Variants in DGKA observed in about 807,000 individuals in gnomAD.
DGKA encodes the protein diacylglycerol kinase alpha.
A neutral mutation model predicts 105.0 loss-of-function variants in DGKA; 35 were observed. The observed-to-expected ratio is 0.33, with a 90% CI of 0.25 to 0.44. DGKA has a LOEUF of 0.44. DGKA is among the 20% of genes least tolerant of loss of function. DGKA has a pLI of 1.00. For missense variants in DGKA, 665 were observed against 915.0 expected, an observed-to-expected ratio of 0.73 and a Z score of 3.53; for synonymous variants, 296 against 332.0, an observed-to-expected ratio of 0.89 and a Z score of 1.18.
In DGKA at chr12:55,948,042, C is replaced by T. The variant is rs185055374; in HGVS notation, c.1427-3581C>T. 4.3e-4 allele frequency among the ~76,000 whole-genome samples: 66 copies of T among 152,174 alleles called. 1 individual carries two copies. The highest frequency in any genetic ancestry group is 3.4e-3 in the Admixed American group (52 of 15,290). ...TTGACCTCAGGTGATCCTCCCACCT[C>T]GGCCTCCCAAAGTGCTGGGATTACA... is the stretch of plus-strand genomic sequence containing the variant. On this transcript the variant is annotated intron_variant, in intron 17 of 23. Coordinates refer to ENST00000331886, the MANE Select transcript of DGKA (RefSeq NM_001345.5).
intron 17 of DGKA, among the ~76,000 whole-genome samples, chr12:55,950,026 G>C (rs1157682084): frequency 1.3e-5 from 2 of 151,614 alleles, no homozygotes; most frequent in Non-Finnish European, 2.9e-5. Context: ...CCAGGCTGGA[G>C]TGCAGTGGCG....
At chr12:55,928,504 C>T (rs1433442688), upstream of DGKA, among the ~76,000 whole-genome samples, 1 of 151,450 alleles carries the variant, frequency 6.6e-6, no homozygotes, top group Non-Finnish European at 1.5e-5. Flanking sequence ...GGCGAAACCC[C>T]GTCTCTACTA....
In DGKA at chr12:55,940,212, C is replaced by T. The variant is rs747850073; in HGVS notation, c.798+42C>T. 3 of 1,613,062 alleles carry T rather than the reference C, an allele frequency of 1.9e-6. No individual in the cohort carries two copies. The highest frequency in any genetic ancestry group is 2.5e-6 in the Non-Finnish European group (3 of 1,179,012). On this transcript the variant is annotated intron_variant, in intron 10 of 23. Coordinates refer to ENST00000331886, the MANE Select transcript of DGKA (RefSeq NM_001345.5). This position sits in a 1 kb window ranked among gnomAD's most constrained non-coding sequence, Gnocchi z 4.3. ...CTCCACCCCCAACATCACCTACATC[C>T]TGGCCCTGGCCCTGGCCCTTGGCCC...
At chr12:55,936,066 C>A (rs1884628770) in intron 1 of DGKA, 1 of 973,596 alleles carries the variant, frequency 1.0e-6, no homozygotes, top group Non-Finnish European at 1.2e-6. Flanking sequence ...TGGAAGAAAG[C>A]GCAGAAACAG....
chr12:55,940,640 T>C lies in DGKA; in HGVS notation c.935T>C (p.Leu312Pro), dbSNP rs1885731078. 1.3e-6 allele frequency: 2 copies of C among 1,584,888 alleles called. No homozygotes were observed. Among genetic ancestry groups the C allele is most frequent in the Non-Finnish European group, 1.7e-6 (2 of 1,168,272 alleles). ...GTCTTTCAGATCCACGATGACTGCCTGCAAGCGGTGGGCCATGAGTGTGAC... is the reference window on the plus strand; with the variant it reads ...GTCTTTCAGATCCACGATGACTGCCCGCAAGCGGTGGGCCATGAGTGTGAC... ...WCHLEIHDDC[L>P]QAVGHECDCG... Residue 312 changes from leucine (L) to proline (P), a missense_variant, in exon 12 of 24, where the codon CTG becomes CCG. By Grantham distance (98) the Leu-to-Pro change is moderately conservative. Transcript: ENST00000331886. This position sits in a 1 kb window ranked among gnomAD's most constrained non-coding sequence, Gnocchi z 4.3.
intron 1 of DGKA, chr12:55,935,690 ACT>A (rs1468567787): frequency 3.2e-5 from 5 of 156,710 alleles, no homozygotes; most frequent in African/African-American, 1.2e-4. Flanking sequence ...TGAGGAAGAG[ACT>A]CTGTGGGTAC....
intron 2 of DGKA, 50 bp from the exon 3 acceptor site, chr12:55,936,967 G>C: frequency 6.6e-7 from 1 of 1,506,514 alleles, no homozygotes; most frequent in Non-Finnish European, 9.2e-7. Flanking sequence ...TCTGGCAAGA[G>C]AACTCAGCTG....
intron 17 of DGKA, among the ~76,000 whole-genome samples, chr12:55,950,929 A>G (rs548174082): frequency 1.3e-5 from 2 of 152,256 alleles, no homozygotes; most frequent in South Asian, 4.2e-4. Context: ...GTATCCATTC[A>G]AAGATTATAA....
intron 4 of DGKA, 132 bp from the exon 5 acceptor site, chr12:55,937,846 A>G (rs540788181): frequency 2.4e-6 from 2 of 839,810 alleles, no homozygotes; most frequent in Non-Finnish European, 3.8e-6. Flanking sequence ...TCAGTGACAG[A>G]GCAAGACCCT....
chr12:55,933,241 CT>C (rs1288541836), intron 1 of DGKA, among the ~76,000 whole-genome samples: 1 of 152,176 alleles, frequency 6.6e-6, no homozygotes, highest in East Asian at 1.9e-4. Flanking sequence ...CAATTTCCTC[CT>C]CTGTAAAATA....
intron 14 of DGKA, 36 bp from the exon 15 acceptor site, chr12:55,941,474 G>T (rs376430748): frequency 9.4e-5 from 152 of 1,611,030 alleles, no homozygotes; most frequent in Admixed American, 1.8e-4. Flanking sequence ...CCCAACCCCC[G>T]CGCCTGCCAT....
intron 16 of DGKA, 43 bp downstream of exon 16, chr12:55,942,126 T>G (rs1044219453): frequency 6.2e-7 from 1 of 1,613,946 alleles, no homozygotes; most frequent in East Asian, 2.2e-5. Flanking sequence ...GGGGTCGTAG[T>G]CTTGCAGAGC....
In DGKA at chr12:55,952,186, A is replaced by C. The variant is rs1341372556; in HGVS notation, c.1652+87A>C. 1.3e-6 allele frequency: 2 copies of C among 1,574,394 alleles called. No individual in the cohort carries two copies. Among genetic ancestry groups the C allele is most frequent in the Non-Finnish European group, 1.7e-6 (2 of 1,144,702 alleles). ...TTTGACTCAGATTGCTCAGAAGAAC[A>C]GTGGCACCTCTAGGAGGTCCCCCCA... On this transcript the variant is annotated intron_variant, in intron 19 of 23. Coordinates refer to ENST00000331886, the MANE Select transcript of DGKA (RefSeq NM_001345.5). The surrounding 1 kb of genome is among the most constrained non-coding windows in gnomAD (Gnocchi z 5.1).
Position 55,952,042 on chromosome 12 carries a change from C to G in DGKA, c.1595C>G (p.Ser532Cys), listed in dbSNP as rs1375148871. Residue 532 changes from serine to cysteine, a missense_variant, in exon 19 of 24, where the codon TCT (serine) becomes TGT (cysteine). Around this residue, in one of 3 missense-constraint regions of DGKA, gnomAD observed 504 missense variants for 681.2 expected, o/e 0.74. Coordinates refer to ENST00000331886, the MANE Select transcript of DGKA (RefSeq NM_001345.5). This position sits in a 1 kb window ranked among gnomAD's most constrained non-coding sequence, Gnocchi z 5.1. ...ATGTCCCGAACTCTCCAGGATGCCT[C>G]TATTGCTCATCGATTCCACATCATG... ...NNYFSIGVDASIAHRFHIMRE... is the reference protein window; with the variant it reads ...NNYFSIGVDACIAHRFHIMRE... The G allele has an allele frequency of 1.2e-6, 2 of 1,614,050 alleles. No individual in the cohort carries two copies. Among genetic ancestry groups the G allele is most frequent in the Non-Finnish European group, 1.7e-6 (2 of 1,180,022 alleles).
chr12:55,928,073 T>G (rs1328536144), upstream of DGKA, among the ~76,000 whole-genome samples: 2 of 152,138 alleles, frequency 1.3e-5, no homozygotes, highest in Non-Finnish European at 2.9e-5. Context: ...ACCTCCCTAT[T>G]CTGCAGACGA....
chr12:55,941,253 T>C lies in DGKA; in HGVS notation c.1103T>C (p.Ile368Thr). 1.2e-6 allele frequency: 2 copies of C among 1,612,116 alleles called. No homozygotes were observed. The highest frequency in any genetic ancestry group is 1.7e-6 in the Non-Finnish European group (2 of 1,178,360). Residue 368 changes from isoleucine (I) to threonine (T), a missense_variant and splice_region_variant, in exon 14 of 24, where the codon ATT becomes ACT. This residue lies in a region of DGKA where 504 missense variants were observed against 681.2 expected (regional missense o/e 0.74). Coordinates refer to ENST00000331886, the MANE Select transcript of DGKA (RefSeq NM_001345.5). ...CCTTATTTTCTTCCCCCAATGCAGA[T>C]TGACCCTGTTCCTAACACCCACCCA... ...LNLSTSEALR[I>T]DPVPNTHPLL... is the part of the protein sequence containing the mutation.
Position 55,939,172 on chromosome 12 carries a change from C to T in DGKA, c.475-14C>T. On this transcript the variant is annotated splice_polypyrimidine_tract_variant and intron_variant, in intron 7 of 23. Transcript: ENST00000331886. Reference sequence around the variant, plus strand: ...CCCACTCATACTGAAAGTCCCTTTCCACTCTGTGCTCAGATTCTTCAGGAG... The same window carrying T: ...CCCACTCATACTGAAAGTCCCTTTCTACTCTGTGCTCAGATTCTTCAGGAG... 2 of 1,613,204 alleles carry T rather than the reference C, an allele frequency of 1.2e-6. No homozygotes were observed. Among genetic ancestry groups the T allele is most frequent in the Admixed American group, 3.3e-5 (2 of 59,946 alleles).
intron 17 of DGKA, among the ~76,000 whole-genome samples, chr12:55,946,103 A>C (rs1886933192): frequency 6.6e-6 from 1 of 151,652 alleles, no homozygotes; most frequent in African/African-American, 2.4e-5. Context: ...TCCTCAATTT[A>C]AATGTATCTG....
chr12:55,944,216 C>T (rs1423133090), intron 17 of DGKA, among the ~76,000 whole-genome samples: 2 of 152,312 alleles, frequency 1.3e-5, no homozygotes, highest in East Asian at 3.9e-4. Context: ...TGGAGGATTC[C>T]TTGAGCCCAG....
Sources: allele counts gnomAD v4.1 joint callset (sites outside exome capture counted in the v4.1 genomes callset), GRCh38; gene constraint gnomAD v4.1.1; regional missense constraint gnomAD v4.1.1; non-coding constraint Gnocchi (gnomAD v3.1); transcripts MANE v1.5; gene names NCBI Gene and HGNC (gene_info 2026-07-23, HGNC 2026-07-21).